Variants in LIPG observed in about 807,000 individuals in gnomAD.
LIPG encodes the protein endothelial lipase.
A neutral mutation model predicts 51.8 loss-of-function variants in LIPG; 34 were observed. The ratio of observed to expected loss-of-function variants is 0.66; its 90% CI spans 0.50 to 0.87. The LOEUF (loss-of-function observed/expected upper bound fraction) is 0.87, where lower values mean the gene tolerates loss of function less well. Ranked by LOEUF, LIPG falls within the 40% of genes least tolerant of loss-of-function variation. The pLI is 0.00. For synonymous variants in LIPG, 246 were observed against 246.1 expected (o/e 1.00, Z 0.00); for missense variants, 580 against 652.7 (o/e 0.89, Z 1.21).
chr18:49,567,497 G>T lies in LIPG; in HGVS notation c.335G>T (p.Arg112Ile), dbSNP rs765591312. ...AAACTCGTGTCAGCCCTGCACACAA[G>T]AGAGAAAGACGCCAATGTAGTTGTG... ...LHKLVSALHT[R>I]EKDANVVVVD... The change falls in exon 3 of 10, where the codon AGA becomes ATA. Residue 112 changes from arginine to isoleucine, a missense_variant. Coordinates refer to ENST00000261292, the MANE Select transcript of LIPG (RefSeq NM_006033.4). 1.2e-6 allele frequency: 2 copies of T among 1,614,170 alleles called. No individual in the cohort carries two copies. The highest frequency in any genetic ancestry group is 1.7e-6 in the Non-Finnish European group (2 of 1,180,024).
intron 6 of LIPG, 132 bp from the exon 7 acceptor site, chr18:49,582,230 G>C (rs1320461970): frequency 9.5e-7 from 1 of 1,056,526 alleles, no homozygotes; most frequent in African/African-American, 1.6e-5. Context: ...AGAGCAGATG[G>C]GGGCTGCAGG....
intron 8 of LIPG, among the ~76,000 whole-genome samples, chr18:49,584,339 T>G (rs2084860552): frequency 6.6e-6 from 1 of 152,242 alleles, no homozygotes; most frequent in East Asian, 1.9e-4. Flanking sequence ...CCACACTAGC[T>G]GGCAGTTTCC....
At chr18:49,584,890 T>C (rs11663167) in intron 8 of LIPG, among the ~76,000 whole-genome samples, 34,151 of 152,098 alleles carry the variant, frequency 0.22, 4,220 homozygotes, top group Non-Finnish European at 0.27. Flanking sequence ...ATGTAAATAG[T>C]TTTCCATTTG....
chr18:49,581,474 C>T lies in LIPG; in HGVS notation c.853C>T (p.Leu285=), dbSNP rs759983964. 6.2e-7 allele frequency: 1 copy of T among 1,614,190 alleles called. No individual in the cohort carries two copies. Among genetic ancestry groups the T allele is most frequent in the East Asian group, 2.2e-5 (1 of 44,886 alleles). Residue 285 remains leucine (L), a synonymous_variant, in exon 6 of 10, where the codon CTG becomes TTG. Transcript: ENST00000261292. ...ERAVHLFVDS[L]VNQDKPSFAF... ...AGCCGTCCACCTCTTTGTTGACTCT[C>T]TGGTGAATCAGGACAAGCCGAGTTT... is the stretch of plus-strand genomic sequence containing the variant.
intron 9 of LIPG, among the ~76,000 whole-genome samples, chr18:49,587,697 T>C (rs2084898495): frequency 6.6e-6 from 1 of 152,054 alleles, no homozygotes; most frequent in African/African-American, 2.4e-5. Flanking sequence ...CCTCAACCTG[T>C]AGGGGTTCAT....
chr18:49,582,549 C>A lies in LIPG; in HGVS notation c.1157+67C>A, dbSNP rs146481920. On this transcript the variant is annotated intron_variant, in intron 7 of 9. Transcript: ENST00000261292. Reference sequence around the variant, plus strand: ...AGGTTGGTTTGAGAATGAGAGAGCACAAGGGAGCGTGTGAACGAGTACAGC... The same window carrying A: ...AGGTTGGTTTGAGAATGAGAGAGCAAAAGGGAGCGTGTGAACGAGTACAGC... 90 of 1,600,894 alleles carry A rather than the reference C, an allele frequency of 5.6e-5. No individual in the cohort carries two copies. In the East Asian group the frequency reaches 1.5e-3, roughly 27 times the overall value.
intron 4 of LIPG, among the ~76,000 whole-genome samples, chr18:49,575,117 G>A (rs920406206): frequency 1.3e-5 from 2 of 152,170 alleles, no homozygotes; most frequent in Admixed American, 6.5e-5. Context: ...CTGAGGTGAC[G>A]GGATACATGA....
rs1470911578 is a variant in LIPG at position 49,593,607 on chromosome 18, A to C, written c.*3085A>C. ...GTAGTAAGGTTCTATTCTACAGGCC[A>C]AGAGGGCTGCAGGTTCTTAGTTTTT... is the stretch of plus-strand genomic sequence containing the variant. On this transcript the variant is annotated 3_prime_UTR_variant, in exon 10 of 10. Transcript: ENST00000261292. 1 of 152,226 alleles carries C rather than the reference A, an allele frequency of 6.6e-6. No individual in the cohort carries two copies. Among genetic ancestry groups the C allele is most frequent in the Non-Finnish European group, 1.5e-5 (1 of 68,050 alleles). The allele number at this position is 152,226 out of a possible 1,614,324, so 9.4% of individuals were successfully genotyped here.
chr18:49,590,945 C>T lies in LIPG; in HGVS notation c.*423C>T, dbSNP rs561186423. Reference sequence around the variant, plus strand: ...CCTGCTTTGAGCCTCAGTGAGAAGTCCTTCCGACAGGAGCTGACTCATGTC... The same window carrying T: ...CCTGCTTTGAGCCTCAGTGAGAAGTTCTTCCGACAGGAGCTGACTCATGTC... On this transcript the variant is annotated 3_prime_UTR_variant, in exon 10 of 10. Transcript: ENST00000261292. 2.0e-5 allele frequency: 6 copies of T among 296,844 alleles called. No individual in the cohort carries two copies. Among genetic ancestry groups the T allele is most frequent in the East Asian group, 1.6e-4 (2 of 12,610 alleles). 18.4% of individuals were successfully genotyped at this position (296,844 alleles called of 1,614,324 possible).
chr18:49,564,598 C>G (rs1476050627), intron 1 of LIPG, among the ~76,000 whole-genome samples: 1 of 152,226 alleles, frequency 6.6e-6, no homozygotes, highest in Non-Finnish European at 1.5e-5. Context: ...GCCTGAGTTT[C>G]CCTAGATGGG....
Position 49,578,858 on chromosome 18 carries a change from C to G in LIPG, c.794-2557C>G, listed in dbSNP as rs1238930224. 2.7e-5 allele frequency among the ~76,000 whole-genome samples: 4 copies of G among 150,502 alleles called. No individual in the cohort carries two copies. The East Asian group carries it at 8.0e-4, about 30-fold the overall frequency. ...CAACACAGCGAAACCCCGTCTCCAC[C>G]AAAACCAGTCAGGCGTGGTGGCGCG... On this transcript the variant is annotated intron_variant, in intron 5 of 9. Transcript: ENST00000261292.
intron 5 of LIPG, among the ~76,000 whole-genome samples, chr18:49,579,007 AGGG>A (rs2084772788): frequency 0.15 from 90 of 596 alleles, 2 homozygotes; most frequent in Admixed American, 0.19. Flanking sequence ...CCGTGGGGAG[AGGG>A]AGAGGGAGAG....
At chr18:49,587,043 C>A (rs1405535426) in intron 9 of LIPG, among the ~76,000 whole-genome samples, 193 bp downstream of exon 9, 1 of 149,676 alleles carries the variant, frequency 6.7e-6, no homozygotes, top group South Asian at 2.1e-4. Context: ...CCAAGGCAGG[C>A]AGATCACCTG....
At chr18:49,587,128 G>T (rs1241725816) in intron 9 of LIPG, among the ~76,000 whole-genome samples, 2 of 146,902 alleles carry the variant, frequency 1.4e-5, no homozygotes, top group African/African-American at 2.5e-5. Flanking sequence ...AAAAAAGAAT[G>T]CCGGGCATGG....
intron 8 of LIPG, among the ~76,000 whole-genome samples, chr18:49,585,528 G>A (rs1488571493): frequency 2.0e-5 from 3 of 152,208 alleles, no homozygotes; most frequent in Non-Finnish European, 4.4e-5. Context: ...TTTAACTCCT[G>A]TATGTAAATC....
At chr18:49,561,600 C>G (rs1201234667), upstream of LIPG, 2 of 1,017,790 alleles carry the variant, frequency 2.0e-6, no homozygotes, top group South Asian at 1.0e-4. Flanking sequence ...AAGGGGATGA[C>G]CAGGTGGCTC....
intron 1 of LIPG, among the ~76,000 whole-genome samples, chr18:49,565,073 T>C (rs1485116819): frequency 6.6e-6 from 1 of 152,240 alleles, no homozygotes. Context: ...AGAGATCTAT[T>C]TATTTCAGAG....
At chr18:49,581,773 C>A in intron 6 of LIPG, 116 bp downstream of exon 6, 1 of 1,246,840 alleles carries the variant, frequency 8.0e-7, no homozygotes, top group Non-Finnish European at 1.2e-6. Context: ...ACAATCCAAT[C>A]AAATCGTTGC....
rs1469772151 is a variant in LIPG, at chr18:49,591,825, G to A, written c.*1303G>A. ...ATTTTACAAAACTGAGGCTTAGTGA[G>A]GTTCAGCCACATGCCTAGACTTATA... On this transcript the variant is annotated 3_prime_UTR_variant, in exon 10 of 10. Transcript: ENST00000261292. 6.6e-6 allele frequency: 1 copy of A among 152,172 alleles called. No homozygotes were observed. Among genetic ancestry groups the A allele is most frequent in the Non-Finnish European group, 1.5e-5 (1 of 68,038 alleles). The allele number at this position is 152,172 out of a possible 1,614,324, so 9.4% of individuals were successfully genotyped here.
Sources: allele counts gnomAD v4.1 joint callset (sites outside exome capture counted in the v4.1 genomes callset), GRCh38; gene constraint gnomAD v4.1.1; transcripts MANE v1.5; gene names NCBI Gene and HGNC (gene_info 2026-07-23, HGNC 2026-07-21).